Variants in EVI5 observed in about 807,000 individuals in gnomAD.
The protein encoded by EVI5 is ecotropic viral integration site 5 protein homolog.
In EVI5, 73 loss-of-function variants were observed where a neutral mutation model predicts 112.0. That is an observed-to-expected ratio of 0.65 (90% CI 0.54 to 0.79). EVI5 has a LOEUF of 0.79. Ranked by LOEUF, EVI5 falls within the 30% of genes least tolerant of loss-of-function variation. EVI5 has a pLI of 0.00. For missense variants in EVI5, 900 were observed against 968.8 expected, an observed-to-expected ratio of 0.93 and a Z score of 0.94; for synonymous variants, 305 against 319.9, an observed-to-expected ratio of 0.95 and a Z score of 0.50.
chr1:92,706,400 G>A (rs1671979472), intron 2 of EVI5, among the ~76,000 whole-genome samples: 1 of 152,098 alleles, frequency 6.6e-6, no homozygotes, highest in African/African-American at 2.4e-5. Context: ...ATGCAATAAA[G>A]AAACAAATTT....
chr1:92,646,546 G>C (rs1006230751), intron 13 of EVI5, among the ~76,000 whole-genome samples: 1 of 152,160 alleles, frequency 6.6e-6, no homozygotes, highest in African/African-American at 2.4e-5. Context: ...TCTAAGCTAC[G>C]ACCCCTCCAA....
intron 10 of EVI5, among the ~76,000 whole-genome samples, chr1:92,669,546 T>TAAAAAAAAAAAAAAAAAAAA (rs1558034630): frequency 3.1e-4 from 2 of 6,554 alleles, no homozygotes; most frequent in East Asian, 0.091. Context: ...AGGCTCTGTC[T>TAAAAAAAAAAAAAAAAAAAA]CAAAAAAAAA....
intron 19 of EVI5, among the ~76,000 whole-genome samples, chr1:92,522,564 C>T (rs965342211): frequency 8.2e-6 from 1 of 121,450 alleles, no homozygotes; most frequent in Non-Finnish European, 1.6e-5. Flanking sequence ...ACCTGGGAGG[C>T]GGGGGTTCAC....
intron 1 of EVI5, among the ~76,000 whole-genome samples, chr1:92,772,198 T>C (rs1683505762): frequency 6.6e-6 from 1 of 152,068 alleles, no homozygotes; most frequent in Non-Finnish European, 1.5e-5. Context: ...TTCTGATTTG[T>C]CACTCAACTA....
intron 13 of EVI5, among the ~76,000 whole-genome samples, chr1:92,653,632 A>C (rs1221419732): frequency 6.6e-6 from 1 of 152,224 alleles, no homozygotes; most frequent in African/African-American, 2.4e-5. Context: ...TGGGGCAGAC[A>C]GGGGTGACTG....
intron 1 of EVI5, among the ~76,000 whole-genome samples, chr1:92,791,543 G>A (rs1053276070): frequency 3.9e-5 from 6 of 152,108 alleles, no homozygotes; most frequent in African/African-American, 1.4e-4. Context: ...AAAAAAGACT[G>A]AATTAGAAGA....
At chr1:92,746,531 G>C (rs928055859) in intron 1 of EVI5, among the ~76,000 whole-genome samples, 3 of 152,136 alleles carry the variant, frequency 2.0e-5, no homozygotes, top group African/African-American at 7.2e-5. Flanking sequence ...CTCGAGATCA[G>C]TCTGGCCAAC....
rs1415119354 is a variant in EVI5, at chr1:92,584,429, T to C, written c.2071-20692A>G. On this transcript the variant is annotated intron_variant, in intron 18 of 19. Coordinates refer to ENST00000684568, the MANE Select transcript of EVI5 (RefSeq NM_001350197.2). ...ATTATTACTGCATATGAAATTACTA[T>C]AGTAGAAGAAAACCCAATAATTTGA... Among the ~76,000 whole-genome samples, 8 of 152,282 alleles carry C rather than the reference T, an allele frequency of 5.3e-5. No individual in the cohort carries two copies. In the East Asian group the frequency reaches 1.2e-3, roughly 22 times the overall value.
intron 14 of EVI5, among the ~76,000 whole-genome samples, chr1:92,633,056 T>C (rs1003246700): frequency 6.6e-6 from 1 of 152,244 alleles, no homozygotes; most frequent in African/African-American, 2.4e-5. Context: ...TTATAATTTC[T>C]GTTCTTTTAC....
chr1:92,772,275 G>T (rs1455828570), intron 1 of EVI5, among the ~76,000 whole-genome samples: 1 of 151,500 alleles, frequency 6.6e-6, no homozygotes, highest in African/African-American at 2.4e-5. Context: ...AGAAATACAA[G>T]AAATAATACT....
At chr1:92,719,475 G>T (rs535693362) in intron 2 of EVI5, among the ~76,000 whole-genome samples, 2 of 152,022 alleles carry the variant, frequency 1.3e-5, no homozygotes, top group African/African-American at 4.8e-5. Flanking sequence ...ATGCAGAAAA[G>T]GTCTTCGACA....
chr1:92,634,223 G>A (rs1658172856), intron 14 of EVI5, among the ~76,000 whole-genome samples: 1 of 152,102 alleles, frequency 6.6e-6, no homozygotes, highest in Non-Finnish European at 1.5e-5. Context: ...TTTGAATGTT[G>A]GCCTGCCTTG....
At chr1:92,715,662 C>T in intron 2 of EVI5, among the ~76,000 whole-genome samples, 1 of 152,200 alleles carries the variant, frequency 6.6e-6, no homozygotes, top group East Asian at 1.9e-4. Context: ...GGGGCGTCAC[C>T]TCACCCAGTA....
At chr1:92,787,351 C>T (rs930788212), upstream of EVI5, among the ~76,000 whole-genome samples, 16 of 152,098 alleles carry the variant, frequency 1.1e-4, no homozygotes, top group Non-Finnish European at 2.2e-4. Context: ...TAAAACAGTT[C>T]TCAAAGAGCC....
intron 2 of EVI5, among the ~76,000 whole-genome samples, chr1:92,731,681 C>T (rs1307170525): frequency 1.3e-5 from 2 of 152,146 alleles, no homozygotes; most frequent in Admixed American, 1.3e-4. Flanking sequence ...CAGTATAGTG[C>T]TAGTATTAAG....
intron 16 of EVI5, among the ~76,000 whole-genome samples, chr1:92,611,289 A>C (rs1229740659): frequency 1.3e-5 from 2 of 152,110 alleles, no homozygotes; most frequent in African/African-American, 2.4e-5. Context: ...AGGAAGGGTA[A>C]TGAAATGTCT....
chr1:92,548,334 G>C (rs1297280290), intron 19 of EVI5, among the ~76,000 whole-genome samples: 1 of 152,184 alleles, frequency 6.6e-6, no homozygotes, highest in South Asian at 2.1e-4. Context: ...ATTCGGTATT[G>C]ATTGGACGTA....
intron 19 of EVI5, among the ~76,000 whole-genome samples, chr1:92,537,929 T>C (rs1412006893): frequency 6.6e-6 from 1 of 152,088 alleles, no homozygotes; most frequent in Non-Finnish European, 1.5e-5. Flanking sequence ...CATGTAAAAC[T>C]GTATATAATG....
At chr1:92,787,297 A>G (rs940925491), upstream of EVI5, among the ~76,000 whole-genome samples, 2 of 152,206 alleles carry the variant, frequency 1.3e-5, no homozygotes, top group Non-Finnish European at 2.9e-5. Flanking sequence ...AACTGATTTT[A>G]TATCATTTTA....
Sources: allele counts gnomAD v4.1 joint callset (sites outside exome capture counted in the v4.1 genomes callset), GRCh38; gene constraint gnomAD v4.1.1; transcripts MANE v1.5; gene names NCBI Gene and HGNC (gene_info 2026-07-23, HGNC 2026-07-21).